The following STK32B variants were observed in gnomAD, a reference collection of about 807,000 sequenced individuals.
STK32B encodes the protein serine/threonine kinase 32B, also known as serine/threonine-protein kinase 32B.
In STK32B, 43 loss-of-function variants were observed where a neutral mutation model predicts 52.6. The ratio of observed to expected loss-of-function variants is 0.82; its 90% confidence interval spans 0.64 to 1.05. The LOEUF is 1.05. Ranked by LOEUF, STK32B falls within the 50% of genes least tolerant of loss-of-function variation. The pLI is 0.00. For synonymous variants in STK32B, 238 were observed against 204.3 expected (o/e 1.17, Z -1.41); for missense variants, 621 against 534.6 (o/e 1.16, Z -1.59).
intron 2 of STK32B, among the ~76,000 whole-genome samples, chr4:5,143,097 C>CTG (rs1577101099): frequency 1.6e-5 from 2 of 126,508 alleles, no homozygotes; most frequent in Non-Finnish European, 3.5e-5. Flanking sequence ...GTTTCTGTCT[C>CTG]TGTCTCTGTC....
chr4:5,136,310 C>G (rs1716073410), intron 1 of STK32B, among the ~76,000 whole-genome samples: 1 of 152,252 alleles, frequency 6.6e-6, no homozygotes, highest in Admixed American at 6.5e-5. Flanking sequence ...AGGACACTGA[C>G]ACTCCTTTGC....
intron 3 of STK32B, among the ~76,000 whole-genome samples, chr4:5,180,522 C>T (rs1720272725): frequency 6.6e-6 from 1 of 152,090 alleles, no homozygotes; most frequent in South Asian, 2.1e-4. Flanking sequence ...GTGATGGGGC[C>T]CTGGCCCCTC....
chr4:5,259,694 C>T (rs557918439), intron 3 of STK32B, among the ~76,000 whole-genome samples: 1 of 152,214 alleles, frequency 6.6e-6, no homozygotes, highest in South Asian at 2.1e-4. Flanking sequence ...TTCTAATAGC[C>T]TTTAGGATGC....
Position 5,058,820 on chromosome 4 carries a change from A to G in STK32B, c.52+6905A>G, listed in dbSNP as rs2166688. 0.27 allele frequency among the ~76,000 whole-genome samples: 41,244 copies of G among 151,844 alleles called. 5,646 individuals are homozygous for G. The highest frequency in any genetic ancestry group is 0.29 in the African/African-American group (12,095 of 41,444). ...GGATGGAGTGCAGTGGCGTGGTATC[A>G]GCTCACTGCAACCTCTGCCTCCCAG... On this transcript the variant is annotated intron_variant, in intron 1 of 11. Transcript: ENST00000282908. The surrounding 1 kb of genome is among the most constrained non-coding windows in gnomAD (Gnocchi z 4.8).
chr4:5,269,993 T>G (rs1727318491), intron 3 of STK32B, among the ~76,000 whole-genome samples: 1 of 152,132 alleles, frequency 6.6e-6, no homozygotes, highest in Non-Finnish European at 1.5e-5. Flanking sequence ...ATATACAAAC[T>G]GAAAGAGAAA....
chr4:5,303,286 T>C (rs533309586), intron 3 of STK32B, among the ~76,000 whole-genome samples: 6 of 152,160 alleles, frequency 3.9e-5, no homozygotes, highest in South Asian at 2.1e-4. Flanking sequence ...TGTAGTAGTT[T>C]TCATTCCCAC....
intron 3 of STK32B, among the ~76,000 whole-genome samples, chr4:5,263,603 T>C (rs1726870578): frequency 1.3e-5 from 2 of 152,240 alleles, no homozygotes; most frequent in African/African-American, 4.8e-5. Context: ...CAGGAAAGCA[T>C]GCCCTTGTGT....
At chr4:5,404,863 ATTTTTT>A (rs58235629) in intron 5 of STK32B, among the ~76,000 whole-genome samples, 4 of 113,184 alleles carry the variant, frequency 3.5e-5, no homozygotes, top group African/African-American at 1.4e-4. Flanking sequence ...TCTGTATGCG[ATTTTTT>A]TTTTTTTTTT....
At chr4:5,133,999 T>A (rs945430954) in intron 1 of STK32B, among the ~76,000 whole-genome samples, 1 of 152,140 alleles carries the variant, frequency 6.6e-6, no homozygotes, top group Admixed American at 6.5e-5. Context: ...CACCAAACCC[T>A]CCTTTTCATC....
intron 6 of STK32B, among the ~76,000 whole-genome samples, 187 bp from the exon 7 acceptor site, chr4:5,446,486 A>G (rs1277248587): frequency 1.3e-5 from 2 of 151,772 alleles, no homozygotes; most frequent in Non-Finnish European, 2.9e-5. Context: ...GAATCGCTTG[A>G]ACTAAGGCAC....
chr4:5,379,448 G>A lies in STK32B; in HGVS notation c.435-18759G>A, dbSNP rs541543279. ...AGGCTCCCCCACTCTGGTACCCTAC[G>A]GTCCATGGGATTCCCATCTCTCCAC... On this transcript the variant is annotated intron_variant, in intron 4 of 11. Coordinates refer to ENST00000282908, the MANE Select transcript of STK32B (RefSeq NM_018401.3). Among the ~76,000 whole-genome samples the A allele has an allele frequency of 1.8e-3, 275 of 152,136 alleles. 2 individuals are homozygous for A. Among genetic ancestry groups the A allele is most frequent in the Non-Finnish European group, 2.7e-3 (184 of 67,994 alleles).
At chr4:5,231,668 T>C (rs558777771) in intron 3 of STK32B, among the ~76,000 whole-genome samples, 52 of 150,254 alleles carry the variant, frequency 3.5e-4, no homozygotes, top group African/African-American at 1.1e-3. Context: ...AAAGAAAGAG[T>C]AGTTCTCAAT....
chr4:5,496,621 C>T (rs1046900364), intron 11 of STK32B, among the ~76,000 whole-genome samples: 2 of 151,820 alleles, frequency 1.3e-5, no homozygotes, highest in Non-Finnish European at 2.9e-5. Flanking sequence ...GATGGAAATG[C>T]AGAAATCACC....
intron 7 of STK32B, among the ~76,000 whole-genome samples, chr4:5,449,776 T>C (rs1222375559): frequency 2.0e-5 from 3 of 152,150 alleles, no homozygotes; most frequent in Non-Finnish European, 4.4e-5. Context: ...TCTTGTGAAC[T>C]GTGCATGCGA....
intron 8 of STK32B, 42 bp downstream of exon 8, chr4:5,456,965 G>T (rs1426589751): frequency 7.0e-7 from 1 of 1,433,974 alleles, no homozygotes; most frequent in South Asian, 1.4e-5. Flanking sequence ...GGGAGCTACG[G>T]TGAGTGTAGA....
At chr4:5,403,803 C>A (rs549221786) in intron 5 of STK32B, among the ~76,000 whole-genome samples, 1 of 152,148 alleles carries the variant, frequency 6.6e-6, no homozygotes, top group East Asian at 1.9e-4. Flanking sequence ...GCTTGTGAAG[C>A]ATCAGATTTG....
At chr4:5,368,491 G>C (rs933847623) in intron 4 of STK32B, among the ~76,000 whole-genome samples, 1 of 151,926 alleles carries the variant, frequency 6.6e-6, no homozygotes, top group African/African-American at 2.4e-5. Context: ...TTTGCTTTCA[G>C]TAACTCACTA....
intron 4 of STK32B, among the ~76,000 whole-genome samples, chr4:5,339,914 T>C (rs1219520812): frequency 6.6e-6 from 1 of 152,198 alleles, no homozygotes; most frequent in African/African-American, 2.4e-5. Flanking sequence ...TGAAATCTGA[T>C]GTTCAGTGTT....
intron 1 of STK32B, among the ~76,000 whole-genome samples, chr4:5,138,339 T>C (rs1716201787): frequency 6.6e-6 from 1 of 152,230 alleles, no homozygotes; most frequent in Admixed American, 6.5e-5. Flanking sequence ...ATTCATTTAC[T>C]TCCTCACATC....
Sources: gnomAD v4.1 joint callset for allele counts (sites outside exome capture counted in the v4.1 genomes callset) on GRCh38, gnomAD v4.1.1 for gene constraint, Gnocchi (gnomAD v3.1) non-coding constraint, MANE v1.5 for transcripts, NCBI Gene and HGNC (gene_info 2026-07-23, HGNC 2026-07-21) for gene names.